CADPS2: variants seen among roughly 807,000 people sequenced by gnomAD.
The protein encoded by CADPS2 is calcium-dependent secretion activator 2.
CADPS2 carries 93 observed loss-of-function variants against 172.5 expected under a neutral mutation model. The ratio of observed to expected loss-of-function variants is 0.54; its 90% CI spans 0.46 to 0.64. The LOEUF is 0.64. CADPS2 is among the 30% of genes least tolerant of loss of function. The pLI is 0.00. For missense variants in CADPS2, 1,420 were observed against 1,565.9 expected (o/e 0.91, Z 1.57); for synonymous variants, 546 against 555.2 (o/e 0.98, Z 0.23).
In CADPS2 at chr7:122,441,548, T is replaced by C; in HGVS notation, c.2316A>G (p.Glu772=). 6.5e-7 allele frequency: 1 copy of C among 1,536,466 alleles called. No homozygotes were observed. Among genetic ancestry groups the C allele is most frequent in the Non-Finnish European group, 8.8e-7 (1 of 1,141,628 alleles). The change falls in exon 16 of 30, where the codon GAA becomes GAG. Residue 772 remains glutamate, a synonymous_variant. Transcript: ENST00000449022. ...FRYCFPFGRP[E]GALKATLSLL... ...ATGAAAGTGTAGCTTTTAGAGCACCTTCAGGTCGTCCAAAGGGAAAACAGT... is the reference window on the plus strand; with the variant it reads ...ATGAAAGTGTAGCTTTTAGAGCACCCTCAGGTCGTCCAAAGGGAAAACAGT...
intron 1 of CADPS2, among the ~76,000 whole-genome samples, chr7:122,852,382 T>A (rs1316346284): frequency 1.3e-5 from 2 of 152,192 alleles, no homozygotes; most frequent in African/African-American, 4.8e-5. Flanking sequence ...CTTACATTTA[T>A]GTGTGTCAAG....
Position 122,680,839 on chromosome 7 carries a change from T to C in CADPS2, c.454-17270A>G, listed in dbSNP as rs1268216714. Among the ~76,000 whole-genome samples, 5 of 152,252 alleles carry C rather than the reference T, an allele frequency of 3.3e-5. No homozygotes were observed. The South Asian group carries it at 8.3e-4, about 25-fold the overall frequency. On this transcript the variant is annotated intron_variant, in intron 2 of 29. Transcript: ENST00000449022. ...AAAGACACAGGCACACGTATGTTTA[T>C]TGCGGCATTATTCACAATAGCAAAG...
At chr7:122,553,850 G>C (rs952976909) in intron 8 of CADPS2, among the ~76,000 whole-genome samples, 1 of 152,094 alleles carries the variant, frequency 6.6e-6, no homozygotes, top group Non-Finnish European at 1.5e-5. Flanking sequence ...ATACCCCTAT[G>C]CTGGGATTTG....
chr7:122,763,763 C>T (rs1285195736), intron 1 of CADPS2, among the ~76,000 whole-genome samples: 1 of 152,080 alleles, frequency 6.6e-6, no homozygotes. Context: ...ACATGAAAGA[C>T]AGACATGAAA....
intron 1 of CADPS2, among the ~76,000 whole-genome samples, chr7:122,815,775 CAGAA>C (rs1801187952): frequency 6.6e-6 from 1 of 152,156 alleles, no homozygotes; most frequent in Non-Finnish European, 1.5e-5. Flanking sequence ...ATTTTACTGT[CAGAA>C]AGCAGCTCCA....
chr7:122,527,902 GAGAC>G (rs1450093032), intron 8 of CADPS2, among the ~76,000 whole-genome samples: 3 of 152,080 alleles, frequency 2.0e-5, no homozygotes, highest in African/African-American at 4.8e-5. Flanking sequence ...AATAATGAGA[GAGAC>G]AGACAAACAG....
intron 1 of CADPS2, among the ~76,000 whole-genome samples, chr7:122,815,989 C>T (rs551918352): frequency 1.4e-4 from 22 of 152,286 alleles, no homozygotes; most frequent in South Asian, 8.3e-4. Flanking sequence ...GGATATCCAT[C>T]ATCTCAGGTA....
At chr7:122,417,811 C>G (rs1279228368) in intron 17 of CADPS2, among the ~76,000 whole-genome samples, 1 of 152,094 alleles carries the variant, frequency 6.6e-6, no homozygotes, top group Non-Finnish European at 1.5e-5. Flanking sequence ...GAAACATGGT[C>G]TTAGAAATAA....
At chr7:122,800,329 C>T (rs757076315) in intron 1 of CADPS2, among the ~76,000 whole-genome samples, 5 of 152,116 alleles carry the variant, frequency 3.3e-5, no homozygotes, top group Admixed American at 6.5e-5. Context: ...AGGTTCAACA[C>T]GACAACTTGC....
chr7:122,341,941 T>C (rs957586981), intron 28 of CADPS2, among the ~76,000 whole-genome samples: 2 of 152,230 alleles, frequency 1.3e-5, no homozygotes, highest in East Asian at 3.8e-4. Context: ...ATAACTTATT[T>C]ATACTTTTAA....
intron 6 of CADPS2, among the ~76,000 whole-genome samples, chr7:122,612,800 A>C (rs2074451439): frequency 6.6e-6 from 1 of 152,164 alleles, no homozygotes; most frequent in African/African-American, 2.4e-5. Context: ...CTGCAATGGT[A>C]GAGCAATGGT....
chr7:122,502,556 TGAG>T (rs549554803), intron 9 of CADPS2, among the ~76,000 whole-genome samples: 101 of 152,172 alleles, frequency 6.6e-4, no homozygotes, highest in African/African-American at 2.3e-3. Context: ...GTATATAACA[TGAG>T]GACTAGAACC....
At chr7:122,391,072 A>AT (rs2044306023) in intron 22 of CADPS2, among the ~76,000 whole-genome samples, 1 of 152,038 alleles carries the variant, frequency 6.6e-6, no homozygotes, top group Non-Finnish European at 1.5e-5. Flanking sequence ...CAGCAGTTGT[A>AT]TTTTTAATTC....
intron 6 of CADPS2, among the ~76,000 whole-genome samples, chr7:122,598,491 G>A (rs1459856533): frequency 6.6e-6 from 1 of 152,056 alleles, no homozygotes; most frequent in Non-Finnish European, 1.5e-5. Flanking sequence ...TTTGTGAAGG[G>A]AGATTTGGGC....
At chr7:122,459,261 C>T (rs1034098884) in intron 14 of CADPS2, among the ~76,000 whole-genome samples, 1 of 151,326 alleles carries the variant, frequency 6.6e-6, no homozygotes, top group Non-Finnish European at 1.5e-5. Flanking sequence ...TCCAATTATC[C>T]ATTATTTAGA....
chr7:122,543,080 A>G (rs1344521020), intron 8 of CADPS2, among the ~76,000 whole-genome samples: 3 of 151,948 alleles, frequency 2.0e-5, no homozygotes, highest in African/African-American at 7.3e-5. Flanking sequence ...TTTTTTTAAT[A>G]ATCTGTGAAT....
At chr7:122,729,016 A>G (rs1326535674) in intron 2 of CADPS2, among the ~76,000 whole-genome samples, 1 of 151,638 alleles carries the variant, frequency 6.6e-6, no homozygotes, top group Non-Finnish European at 1.5e-5. Flanking sequence ...TTTACCCTCT[A>G]TCCAACACCT....
intron 9 of CADPS2, among the ~76,000 whole-genome samples, chr7:122,507,548 T>A (rs2059698277): frequency 6.6e-6 from 1 of 152,032 alleles, no homozygotes; most frequent in South Asian, 2.1e-4. Context: ...AAATAACTAT[T>A]CAAAGAGGAA....
intron 5 of CADPS2, among the ~76,000 whole-genome samples, chr7:122,615,653 A>G (rs1410016665): frequency 6.6e-6 from 1 of 152,154 alleles, no homozygotes; most frequent in Admixed American, 6.5e-5. Flanking sequence ...ATGAAAATTC[A>G]GTGCAGATGA....
Sources: allele counts gnomAD v4.1 joint callset (sites outside exome capture counted in the v4.1 genomes callset), GRCh38; gene constraint gnomAD v4.1.1; transcripts MANE v1.5; gene names NCBI Gene and HGNC (gene_info 2026-07-23, HGNC 2026-07-21).